Variants in TENM4 observed in about 807,000 individuals in gnomAD.
The protein encoded by TENM4 is teneurin transmembrane protein 4.
In TENM4, 82 loss-of-function variants were observed where a neutral mutation model predicts 243.3. The observed-to-expected ratio is 0.34, with a 90% CI of 0.28 to 0.40. The LOEUF (loss-of-function observed/expected upper bound fraction) is 0.40, where lower values mean the gene tolerates loss of function less well. TENM4 is among the 10% of genes least tolerant of loss of function. The probability of loss-of-function intolerance (pLI) is 1.00; values close to 1 mark genes in which losing one functional copy is unlikely to be tolerated. For missense variants in TENM4, 3,138 were observed against 3,673.3 expected (o/e 0.85, Z 3.77); for synonymous variants, 1,412 against 1,456.3 (o/e 0.97, Z 0.69).
intron 6 of TENM4, among the ~76,000 whole-genome samples, chr11:79,016,256 G>A (rs987343463): frequency 1.2e-4 from 18 of 152,288 alleles, no homozygotes; most frequent in Admixed American, 9.2e-4. Context: ...GAGGGGAGAT[G>A]CTGGGGACTT....
chr11:78,945,149 G>A (rs1057204397), intron 6 of TENM4, among the ~76,000 whole-genome samples: 18 of 152,274 alleles, frequency 1.2e-4, no homozygotes, highest in East Asian at 9.7e-4. Context: ...TTGCTGTAGC[G>A]CATTTTGCAG....
At chr11:78,860,037 G>T (rs753335683) in intron 10 of TENM4, among the ~76,000 whole-genome samples, 61 of 152,208 alleles carry the variant, frequency 4.0e-4, no homozygotes, top group Non-Finnish European at 6.5e-4. Context: ...GCAGTTTCAT[G>T]TTATTCTCAA....
At chr11:79,193,393 G>A (rs1198431142) in intron 3 of TENM4, among the ~76,000 whole-genome samples, 1 of 152,196 alleles carries the variant, frequency 6.6e-6, no homozygotes, top group Non-Finnish European at 1.5e-5. Context: ...GGGGTTTCAT[G>A]TGGTGGGATC....
At chr11:79,000,581 T>C (rs1858292579) in intron 6 of TENM4, among the ~76,000 whole-genome samples, 1 of 152,200 alleles carries the variant, frequency 6.6e-6, no homozygotes, top group Admixed American at 6.5e-5. Flanking sequence ...TTAAAATGCA[T>C]TTTGTATTCC....
intron 12 of TENM4, among the ~76,000 whole-genome samples, chr11:78,839,625 A>G (rs1327158456): frequency 6.6e-6 from 1 of 152,056 alleles, no homozygotes; most frequent in Non-Finnish European, 1.5e-5. Context: ...TTTCTATGTC[A>G]TATCTTATCT....
At position 79,420,709 on chromosome 11, in the gene TENM4, C is replaced by T. The variant is rs114335332; in HGVS notation, c.-321+19800G>A. ...GGGGGGTGGGGGATGGTTATTTGCTCCTATGGTGAAAAGGAAAAAAGAAAA... is the reference window on the plus strand; with the variant it reads ...GGGGGGTGGGGGATGGTTATTTGCTTCTATGGTGAAAAGGAAAAAAGAAAA... On this transcript the variant is annotated intron_variant, in intron 1 of 33. Coordinates refer to ENST00000278550, the MANE Select transcript of TENM4 (RefSeq NM_001098816.3). Among the ~76,000 whole-genome samples, 642 of 151,988 alleles carry T rather than the reference C, an allele frequency of 4.2e-3. 2 individuals carry two copies. The highest frequency in any genetic ancestry group is 0.014 in the African/African-American group (593 of 41,426).
chr11:78,672,027 A>G lies in TENM4; in HGVS notation c.5793+6T>C, dbSNP rs763478653. 2.5e-6 allele frequency: 4 copies of G among 1,609,788 alleles called. No homozygotes were observed. The highest frequency in any genetic ancestry group is 1.3e-5 in the African/African-American group (1 of 74,908). On this transcript the variant is annotated splice_donor_region_variant and intron_variant, in intron 31 of 33. Transcript: ENST00000278550. The stretch of plus-strand genomic sequence containing the variant: ...AGGCCAGTGATGCAGGGAGACAGAC[A>G]CCTGCCTTCTCTAAGTATGTGTAGC...
At chr11:79,286,432 C>T (rs1450767827) in intron 2 of TENM4, among the ~76,000 whole-genome samples, 5 of 150,030 alleles carry the variant, frequency 3.3e-5, no homozygotes, top group African/African-American at 1.2e-4. Flanking sequence ...TGGGGGGGAT[C>T]ACCTGAGGTC....
At chr11:79,405,965 A>C (rs2066426698) in intron 1 of TENM4, among the ~76,000 whole-genome samples, 1 of 151,944 alleles carries the variant, frequency 6.6e-6, no homozygotes, top group South Asian at 2.1e-4. Context: ...ACAAATGCAC[A>C]CATCTGGCCC....
intron 18 of TENM4, among the ~76,000 whole-genome samples, chr11:78,767,436 T>G (rs768601674): frequency 6.6e-6 from 1 of 152,196 alleles, no homozygotes; most frequent in Non-Finnish European, 1.5e-5. Flanking sequence ...CACACTACAC[T>G]TCTAGGTGGA....
intron 4 of TENM4, among the ~76,000 whole-genome samples, chr11:79,139,673 TTTTATATAAGTATATAAAATATATATA>T (rs1565220586): frequency 0.014 from 618 of 44,896 alleles, 73 homozygotes; most frequent in South Asian, 0.021. Context: ...AATATATATA[TTTTATATAAGTATATAAAATATATATA>T]ATATTTATAT....
intron 6 of TENM4, among the ~76,000 whole-genome samples, chr11:79,012,966 G>A (rs1412125212): frequency 1.3e-5 from 2 of 152,182 alleles, no homozygotes; most frequent in Non-Finnish European, 2.9e-5. Context: ...ACCAAAGAGA[G>A]GAGTCCAGGT....
chr11:79,052,408 G>A (rs1255166071), intron 6 of TENM4, among the ~76,000 whole-genome samples: 4 of 152,158 alleles, frequency 2.6e-5, no homozygotes, highest in African/African-American at 9.7e-5. Context: ...TTTGTTGGCC[G>A]CATGTATATC....
intron 6 of TENM4, among the ~76,000 whole-genome samples, chr11:78,927,813 T>C (rs569525019): frequency 1.3e-5 from 2 of 152,002 alleles, no homozygotes; most frequent in South Asian, 4.2e-4. Context: ...GGCTCCACTT[T>C]CTCCCTTCCA....
chr11:79,265,005 G>T (rs981350814), intron 2 of TENM4, among the ~76,000 whole-genome samples: 23 of 152,182 alleles, frequency 1.5e-4, no homozygotes, highest in Admixed American at 3.9e-4. Flanking sequence ...GGGGCCAAAG[G>T]TGTTCAGCTG....
intron 6 of TENM4, among the ~76,000 whole-genome samples, chr11:79,005,597 T>C (rs1465148628): frequency 6.6e-6 from 1 of 152,110 alleles, no homozygotes; most frequent in African/African-American, 2.4e-5. Context: ...TGAAGGAATA[T>C]ATACCTCAAA....
At chr11:78,801,087 G>T (rs1857271958) in intron 15 of TENM4, among the ~76,000 whole-genome samples, 2 of 152,136 alleles carry the variant, frequency 1.3e-5, no homozygotes, top group African/African-American at 4.8e-5. Flanking sequence ...CAGAAAGAGA[G>T]ATAAGAATGG....
chr11:79,345,319 A>G (rs1270545112), intron 1 of TENM4, among the ~76,000 whole-genome samples: 1 of 152,180 alleles, frequency 6.6e-6, no homozygotes, highest in African/African-American at 2.4e-5. Context: ...AATTTACGTG[A>G]CATTATTACA....
intron 24 of TENM4, among the ~76,000 whole-genome samples, chr11:78,720,778 C>T (rs545504608): frequency 2.0e-5 from 3 of 152,264 alleles, no homozygotes; most frequent in Admixed American, 1.3e-4. Flanking sequence ...ATGCACACTT[C>T]CCTACAAAGA....
Sources: gnomAD v4.1 joint callset for allele counts (sites outside exome capture counted in the v4.1 genomes callset) on GRCh38, gnomAD v4.1.1 for gene constraint, MANE v1.5 for transcripts, NCBI Gene and HGNC (gene_info 2026-07-23, HGNC 2026-07-21) for gene names.